The following NRG3 variants were observed in gnomAD, a reference collection of about 807,000 sequenced individuals.
The protein encoded by NRG3 is pro-neuregulin-3, membrane-bound isoform.
Under a neutral mutation model 66.9 loss-of-function variants are expected in NRG3, and 31 were observed. The observed-to-expected ratio is 0.46, with a 90% CI of 0.35 to 0.63. The LOEUF is 0.63. Among genes scored for constraint, NRG3 ranks in the 20% least tolerant of loss-of-function variants. NRG3 has a pLI of 0.00. For missense variants in NRG3, 910 were observed against 878.9 expected (o/e 1.04, Z -0.45); for synonymous variants, 393 against 359.4 (o/e 1.09, Z -1.06).
chr10:82,624,475 T>C (rs2133651797), intron 2 of NRG3, among the ~76,000 whole-genome samples: 1 of 152,210 alleles, frequency 6.6e-6, no homozygotes, highest in East Asian at 1.9e-4. Flanking sequence ...TCTTTAATCA[T>C]GAGCAATTAA....
intron 1 of NRG3, among the ~76,000 whole-genome samples, chr10:82,272,183 C>T (rs956324216): frequency 1.3e-5 from 2 of 151,938 alleles, no homozygotes; most frequent in Admixed American, 6.6e-5. Flanking sequence ...GCTTTGGCCA[C>T]ATTTGAATTG....
At chr10:82,316,429 A>T (rs541551206) in intron 1 of NRG3, among the ~76,000 whole-genome samples, 1 of 152,306 alleles carries the variant, frequency 6.6e-6, no homozygotes, top group African/African-American at 2.4e-5. Context: ...TCTTATGAAA[A>T]AAAGTAGAAA....
intron 1 of NRG3, among the ~76,000 whole-genome samples, chr10:82,318,468 T>A (rs2081404305): frequency 6.6e-6 from 1 of 152,222 alleles, no homozygotes; most frequent in Non-Finnish European, 1.5e-5. Flanking sequence ...TCACATCCCG[T>A]GATCCTTAAT....
At chr10:81,906,208 TATCATC>T (rs57012883) in intron 1 of NRG3, among the ~76,000 whole-genome samples, 5 of 151,546 alleles carry the variant, frequency 3.3e-5, no homozygotes, top group East Asian at 1.9e-4. Context: ...CTGCTGTTCT[TATCATC>T]ATCATCATCA....
chr10:82,180,314 C>T (rs1292156925), intron 1 of NRG3, among the ~76,000 whole-genome samples: 2 of 151,850 alleles, frequency 1.3e-5, no homozygotes, highest in Non-Finnish European at 2.9e-5. Context: ...ATCCTTGCCT[C>T]GTTCCTGACC....
intron 2 of NRG3, among the ~76,000 whole-genome samples, chr10:82,373,647 G>A (rs1414607831): frequency 2.0e-5 from 3 of 152,172 alleles, no homozygotes; most frequent in Admixed American, 2.0e-4. Context: ...AAAAACATGA[G>A]GTTGGAAAGC....
At chr10:81,996,593 A>T (rs2060948516) in intron 1 of NRG3, among the ~76,000 whole-genome samples, 1 of 152,180 alleles carries the variant, frequency 6.6e-6, no homozygotes, top group South Asian at 2.1e-4. Context: ...AGAAAATGAG[A>T]GAGTGCTTTC....
At chr10:82,778,103 G>A (rs1235448138) in intron 3 of NRG3, among the ~76,000 whole-genome samples, 1 of 152,134 alleles carries the variant, frequency 6.6e-6, no homozygotes, top group African/African-American at 2.4e-5. Context: ...TGGGGTCCAA[G>A]CATTAGATTG....
At chr10:82,076,202 A>G (rs2065080499) in intron 1 of NRG3, among the ~76,000 whole-genome samples, 1 of 152,182 alleles carries the variant, frequency 6.6e-6, no homozygotes, top group South Asian at 2.1e-4. Context: ...AAGTCTTCAC[A>G]GTGCAGGTCT....
chr10:81,904,000 T>A (rs1034509080), intron 1 of NRG3, among the ~76,000 whole-genome samples: 272 of 120,960 alleles, frequency 2.2e-3, no homozygotes, highest in Middle Eastern at 7.6e-3. Flanking sequence ...ATATATATTT[T>A]TTTTTTTTGT....
chr10:82,365,484 A>T (rs558916943), intron 2 of NRG3, among the ~76,000 whole-genome samples: 19 of 152,308 alleles, frequency 1.2e-4, no homozygotes, highest in Non-Finnish European at 2.8e-4. Flanking sequence ...TGCTTTTGAC[A>T]AGAGGAAATG....
intron 1 of NRG3, among the ~76,000 whole-genome samples, chr10:81,948,254 T>C (rs1287889259): frequency 1.3e-5 from 2 of 152,204 alleles, no homozygotes; most frequent in Non-Finnish European, 2.9e-5. Flanking sequence ...CGAGATTTCC[T>C]ATACAGCCCC....
intron 2 of NRG3, among the ~76,000 whole-genome samples, chr10:82,425,358 TAA>T (rs1389372807): frequency 6.6e-6 from 1 of 151,600 alleles, no homozygotes; most frequent in Non-Finnish European, 1.5e-5. Context: ...TTGTTTTTCT[TAA>T]GTTTGTTTTT....
chr10:82,780,953 C>T (rs2060097496), intron 3 of NRG3, among the ~76,000 whole-genome samples: 1 of 152,116 alleles, frequency 6.6e-6, no homozygotes, highest in South Asian at 2.1e-4. Flanking sequence ...TTTCCAGGCA[C>T]TTCCCTTGGC....
chr10:82,627,929 T>C (rs2049539197), intron 2 of NRG3, among the ~76,000 whole-genome samples: 1 of 152,210 alleles, frequency 6.6e-6, no homozygotes, highest in South Asian at 2.1e-4. Context: ...ATCTCAGTGC[T>C]TTTCCGGAAT....
rs748458153 is a variant in NRG3 at position 82,189,831 on chromosome 10, C to T, written c.824-168908C>T. 5.3e-5 allele frequency among the ~76,000 whole-genome samples: 8 copies of T among 151,882 alleles called. No homozygotes were observed. The East Asian group carries it at 5.8e-4, about 11-fold the overall frequency. The stretch of plus-strand genomic sequence containing the variant: ...TAAATAAATTAGCCAGATGTGGTGG[C>T]GAGCACCTGTAATCCCAGCTTCTTG... On this transcript the variant is annotated intron_variant, in intron 1 of 8. Transcript: ENST00000372141.
intron 2 of NRG3, among the ~76,000 whole-genome samples, chr10:82,703,045 T>C (rs924877797): frequency 8.3e-6 from 1 of 120,242 alleles, no homozygotes; most frequent in African/African-American, 2.7e-5. Flanking sequence ...CCTTCCTTCC[T>C]TCTTTTGTCT....
intron 1 of NRG3, among the ~76,000 whole-genome samples, chr10:82,074,358 G>A (rs950296026): frequency 6.6e-6 from 1 of 152,040 alleles, no homozygotes; most frequent in Non-Finnish European, 1.5e-5. Flanking sequence ...GAGGAAGGTG[G>A]GATAGTAGAA....
intron 4 of NRG3, among the ~76,000 whole-genome samples, chr10:82,946,734 G>A (rs1295421338): frequency 6.6e-6 from 1 of 151,992 alleles, no homozygotes; most frequent in African/African-American, 2.4e-5. Context: ...AGTAAAAATA[G>A]AATATACACA....
Sources: gnomAD v4.1 joint callset for allele counts (sites outside exome capture counted in the v4.1 genomes callset) on GRCh38, gnomAD v4.1.1 for gene constraint, MANE v1.5 for transcripts, NCBI Gene and HGNC (gene_info 2026-07-23, HGNC 2026-07-21) for gene names.